The following PHF24 variants were observed in gnomAD, a reference collection of about 807,000 sequenced individuals.
The protein encoded by PHF24 is PHD finger protein 24.
PHF24 carries 25 observed loss-of-function variants against 42.6 expected under a neutral mutation model. The observed-to-expected ratio is 0.59, with a 90% CI of 0.43 to 0.82. PHF24 has a LOEUF of 0.82. Among genes scored for constraint, PHF24 ranks in the 40% least tolerant of loss-of-function variants. PHF24 has a pLI of 0.00. For synonymous variants in PHF24, 185 were observed against 204.8 expected (o/e 0.90, Z 0.83); for missense variants, 470 against 538.1 (o/e 0.87, Z 1.25).
At chr9:34,885,725 G>A in the PHF24 span, among the ~76,000 whole-genome samples, 1 of 152,018 alleles carries the variant, frequency 6.6e-6, no homozygotes, top group African/African-American at 2.4e-5. Flanking sequence ...CTCTTGCTCA[G>A]GCTCCATGCA....
chr9:34,798,204 A>G, the PHF24 span, among the ~76,000 whole-genome samples: 5 of 152,286 alleles, frequency 3.3e-5, no homozygotes, highest in East Asian at 9.7e-4. Context: ...ATCTGTTAAT[A>G]TAAGTCATAA....
the PHF24 span, chr9:34,723,724 C>G: frequency 6.4e-7 from 1 of 1,551,702 alleles, no homozygotes; most frequent in Non-Finnish European, 8.7e-7. Flanking sequence ...TTGGTTGGCT[C>G]AGGAAAGGCT....
At chr9:34,909,736 C>T in the PHF24 span, among the ~76,000 whole-genome samples, 76 of 152,236 alleles carry the variant, frequency 5.0e-4, no homozygotes, top group Middle Eastern at 0.01. Context: ...ATTCTCCTGC[C>T]TCAGCCTCCC....
the PHF24 span, among the ~76,000 whole-genome samples, chr9:34,758,285 T>C: frequency 7.2e-5 from 11 of 152,184 alleles, no homozygotes; most frequent in African/African-American, 2.6e-4. This position sits in a 1 kb window ranked among gnomAD's most constrained non-coding sequence, Gnocchi z 4.4. Context: ...AGGCTCTGGG[T>C]GTGGACGTGT....
chr9:34,767,053 C>G, the PHF24 span, among the ~76,000 whole-genome samples: 1 of 152,152 alleles, frequency 6.6e-6, no homozygotes, highest in Non-Finnish European at 1.5e-5. Context: ...TCTGATCGTT[C>G]CTCTGGAAGT....
At chr9:34,886,800 A>G in the PHF24 span, among the ~76,000 whole-genome samples, 98 of 133,822 alleles carry the variant, frequency 7.3e-4, no homozygotes, top group African/African-American at 3.0e-3. Context: ...TATCTACTCT[A>G]TCTATGTATC....
the PHF24 span, among the ~76,000 whole-genome samples, chr9:34,873,216 C>T: frequency 1.3e-5 from 2 of 151,774 alleles, no homozygotes; most frequent in Admixed American, 6.6e-5. Flanking sequence ...TAATTAGATC[C>T]CATTTGTCAA....
the PHF24 span, among the ~76,000 whole-genome samples, chr9:34,925,501 G>A: frequency 6.6e-6 from 1 of 151,858 alleles, no homozygotes; most frequent in Admixed American, 6.6e-5. Flanking sequence ...ATACTTGTTT[G>A]CTTTATAGTG....
the PHF24 span, among the ~76,000 whole-genome samples, chr9:34,915,881 G>A: frequency 6.9e-6 from 1 of 144,722 alleles, no homozygotes; most frequent in African/African-American, 2.6e-5. Context: ...GGTGGGACCA[G>A]GTGGAGATAA....
the PHF24 span, among the ~76,000 whole-genome samples, chr9:34,940,305 T>C: frequency 6.6e-6 from 1 of 151,642 alleles, no homozygotes; most frequent in South Asian, 2.1e-4. Flanking sequence ...ACAGAAGCAG[T>C]CCAAGCCTCT....
chr9:34,713,184 T>C, the PHF24 span, among the ~76,000 whole-genome samples: 2 of 152,300 alleles, frequency 1.3e-5, no homozygotes, highest in East Asian at 3.9e-4. Flanking sequence ...GAAATTTCTG[T>C]TTATGACCTG....
the PHF24 span, chr9:34,837,492 C>G: frequency 1.7e-6 from 1 of 586,206 alleles, no homozygotes; most frequent in Non-Finnish European, 3.1e-6. Flanking sequence ...AATTTTGGAA[C>G]GTTTCCAAGG....
At chr9:34,936,634 T>G in the PHF24 span, among the ~76,000 whole-genome samples, 9 of 133,796 alleles carry the variant, frequency 6.7e-5, no homozygotes, top group East Asian at 2.5e-4. Flanking sequence ...GAGCGCCTCT[T>G]CCCGGCCGCC....
At chr9:34,889,326 T>C in the PHF24 span, 1 of 398,622 alleles carries the variant, frequency 2.5e-6, no homozygotes, top group African/African-American at 2.1e-5. Flanking sequence ...GGACCCAGGA[T>C]TGGCTGGACT....
At chr9:34,770,531 A>G in the PHF24 span, among the ~76,000 whole-genome samples, 4 of 152,184 alleles carry the variant, frequency 2.6e-5, no homozygotes, top group Non-Finnish European at 4.4e-5. Context: ...TTATTCTCAC[A>G]TTTAAGTCTG....
At chr9:34,813,021 G>A in the PHF24 span, among the ~76,000 whole-genome samples, 1 of 152,146 alleles carries the variant, frequency 6.6e-6, no homozygotes, top group South Asian at 2.1e-4. Context: ...TCACATATAA[G>A]AAGCCAGTGA....
At chr9:34,947,875 G>A in the PHF24 span, among the ~76,000 whole-genome samples, 2 of 152,250 alleles carry the variant, frequency 1.3e-5, no homozygotes, top group East Asian at 1.9e-4. Flanking sequence ...TTGGGAGGCC[G>A]AGGCAGGCAG....
At chr9:34,872,442 T>G in the PHF24 span, among the ~76,000 whole-genome samples, 3 of 147,082 alleles carry the variant, frequency 2.0e-5, no homozygotes, top group Non-Finnish European at 4.5e-5. Context: ...CACCTATGAG[T>G]GAGAATATGC....
At chr9:34,896,397 C>G in the PHF24 span, among the ~76,000 whole-genome samples, 1 of 152,146 alleles carries the variant, frequency 6.6e-6, no homozygotes, top group Non-Finnish European at 1.5e-5. Flanking sequence ...AGGACTTCTC[C>G]CAATCTGCGT....
Sources: allele counts gnomAD v4.1 joint callset (sites outside exome capture counted in the v4.1 genomes callset), GRCh38; gene constraint gnomAD v4.1.1; non-coding constraint Gnocchi (gnomAD v3.1); transcripts MANE v1.5; gene names NCBI Gene and HGNC (gene_info 2026-07-23, HGNC 2026-07-21).